The following CTNND2 variants were observed in gnomAD, a reference collection of about 807,000 sequenced individuals.
CTNND2 encodes the protein catenin delta 2, also known as catenin delta-2.
CTNND2 carries 22 observed loss-of-function variants against 144.4 expected under a neutral mutation model. The ratio of observed to expected loss-of-function variants is 0.15; its 90% CI spans 0.11 to 0.22. The LOEUF (loss-of-function observed/expected upper bound fraction) is 0.22, where lower values mean the gene tolerates loss of function less well. CTNND2 is among the 10% of genes least tolerant of loss of function. The pLI is 1.00. For missense variants in CTNND2, 1,353 were observed against 1,618.8 expected, an observed-to-expected ratio of 0.84 and a Z score of 2.82; for synonymous variants, 751 against 695.6, an observed-to-expected ratio of 1.08 and a Z score of -1.25.
chr5:11,178,799 A>G (rs1760723995), intron 11 of CTNND2, among the ~76,000 whole-genome samples: 1 of 152,210 alleles, frequency 6.6e-6, no homozygotes. Context: ...GAATGTAATG[A>G]TGATTATCAA....
intron 20 of CTNND2, among the ~76,000 whole-genome samples, chr5:10,985,593 A>G (rs1180225510): frequency 6.6e-6 from 1 of 152,216 alleles, no homozygotes; most frequent in South Asian, 2.1e-4. Flanking sequence ...TGGTTTTCAT[A>G]TCAGAGGGAA....
Position 11,073,418 on chromosome 5 carries a change from C to A in CTNND2, c.2788+9278G>T, listed in dbSNP as rs114935404. On this transcript the variant is annotated intron_variant, in intron 16 of 21. Coordinates refer to ENST00000304623, the MANE Select transcript of CTNND2 (RefSeq NM_001332.4). ...TCCAAATAAAGTTAGGTCGGCTCTC[C>A]GTCTCTTGCTCTCTCTTTGAGGTCT... Among the ~76,000 whole-genome samples the A allele has an allele frequency of 2.2e-3, 330 of 152,314 alleles. 2 individuals carry two copies. The highest frequency in any genetic ancestry group is 7.7e-3 in the African/African-American group (319 of 41,560).
intron 1 of CTNND2, among the ~76,000 whole-genome samples, chr5:11,826,803 CA>C (rs2126953237): frequency 6.6e-6 from 1 of 151,814 alleles, no homozygotes; most frequent in South Asian, 2.1e-4. Context: ...TATATTCATA[CA>C]ACATTATTCA....
chr5:11,730,671 T>G (rs1422744547), intron 2 of CTNND2, among the ~76,000 whole-genome samples: 1 of 152,256 alleles, frequency 6.6e-6, no homozygotes, highest in Non-Finnish European at 1.5e-5. Flanking sequence ...TACAGCTGCC[T>G]AAATTTTATA....
chr5:10,996,037 G>A (rs1010866603), intron 18 of CTNND2, among the ~76,000 whole-genome samples: 7 of 152,184 alleles, frequency 4.6e-5, no homozygotes, highest in Non-Finnish European at 2.9e-5. Context: ...TGGGTGGGGA[G>A]CGAGCTGACT....
chr5:11,129,020 AAATAAAAAATATAAATATATATT>A, intron 12 of CTNND2, among the ~76,000 whole-genome samples: 1 of 27,010 alleles, frequency 3.7e-5, no homozygotes, highest in African/African-American at 9.9e-5. Flanking sequence ...TATTATATAT[AAATAAAAAATATAAATATATATT>A]ATATATAAAT....
rs1760231977 is a variant in CTNND2 at position 11,397,250 on chromosome 5, C to G, written c.440-47G>C. Reference sequence around the variant, plus strand: ...GCAGTCAGTGACAGTCTCAGTGAAGCAGAAATGACATGTATTATTTATTGA... The same window carrying G: ...GCAGTCAGTGACAGTCTCAGTGAAGGAGAAATGACATGTATTATTTATTGA... On this transcript the variant is annotated intron_variant, in intron 5 of 21. Transcript: ENST00000304623. The G allele has an allele frequency of 2.6e-6, 4 of 1,522,236 alleles. No homozygotes were observed. The East Asian group carries it at 6.8e-5, about 26-fold the overall frequency. 94.3% of individuals were successfully genotyped at this position (1,522,236 alleles called of 1,614,324 possible). A position where few individuals can be genotyped will look rare whatever the true frequency, so the allele number is the denominator to read the frequency against.
chr5:11,322,642 T>C (rs1277380946), intron 9 of CTNND2, among the ~76,000 whole-genome samples: 1 of 152,212 alleles, frequency 6.6e-6, no homozygotes, highest in African/African-American at 2.4e-5. Context: ...AAGCTTTTTT[T>C]CATTTTGACA....
At chr5:11,122,495 T>C (rs1169892991) in intron 12 of CTNND2, among the ~76,000 whole-genome samples, 1 of 151,900 alleles carries the variant, frequency 6.6e-6, no homozygotes, top group Non-Finnish European at 1.5e-5. Flanking sequence ...CTCCTTGGCC[T>C]TCAGGGTCTG....
At chr5:11,376,151 C>T (rs1757910453) in intron 7 of CTNND2, among the ~76,000 whole-genome samples, 1 of 152,068 alleles carries the variant, frequency 6.6e-6, no homozygotes, top group Non-Finnish European at 1.5e-5. Context: ...TTCCAGCCTC[C>T]AGAACTAGGA....
chr5:11,119,291 T>A (rs1020114535), intron 12 of CTNND2, among the ~76,000 whole-genome samples: 1 of 152,234 alleles, frequency 6.6e-6, no homozygotes, highest in Non-Finnish European at 1.5e-5. Context: ...ACAGACGTGT[T>A]AAGATAGGCT....
intron 3 of CTNND2, among the ~76,000 whole-genome samples, chr5:11,520,202 T>C (rs1238579164): frequency 5.9e-5 from 9 of 151,996 alleles, no homozygotes; most frequent in Non-Finnish European, 8.8e-5. Context: ...TATCTCTATC[T>C]TAGGGATCTC....
At chr5:11,745,695 T>G (rs1788270776) in intron 1 of CTNND2, among the ~76,000 whole-genome samples, 2 of 152,186 alleles carry the variant, frequency 1.3e-5, no homozygotes, top group Non-Finnish European at 2.9e-5. Flanking sequence ...AACCTGCCTC[T>G]CATGCCTGCA....
chr5:11,691,853 T>C (rs181714256), intron 2 of CTNND2, among the ~76,000 whole-genome samples: 138 of 152,330 alleles, frequency 9.1e-4, no homozygotes, highest in Middle Eastern at 3.4e-3. Flanking sequence ...ATTGCACCGC[T>C]GCACTTCAGT....
chr5:10,997,227 CAAA>C (rs1355760806), intron 18 of CTNND2, among the ~76,000 whole-genome samples: 3 of 152,038 alleles, frequency 2.0e-5, no homozygotes, highest in Non-Finnish European at 4.4e-5. Flanking sequence ...GCAGTCTTAC[CAAA>C]AACACGTTCA....
At chr5:11,226,097 T>C (rs1740311990) in intron 10 of CTNND2, among the ~76,000 whole-genome samples, 1 of 152,176 alleles carries the variant, frequency 6.6e-6, no homozygotes, top group Non-Finnish European at 1.5e-5. Context: ...CCCTTCTCAA[T>C]CTTGGACTTG....
chr5:11,411,641 C>G lies in CTNND2; in HGVS notation c.334G>C (p.Asp112His). Residue 112 changes from aspartate (D) to histidine (H), a missense_variant, in exon 5 of 22, where the codon GAT (aspartate) becomes CAT (histidine). Asp to His is a moderately conservative substitution (Grantham distance 81). Transcript: ENST00000304623. Reference protein sequence around the residue: ...FQWQSQDGQKDIEDELTTGLE... With the variant: ...FQWQSQDGQKHIEDELTTGLE... ...CCTGTTGTAAGCTCATCTTCGATAT[C>G]TTTTTGACCATCTGAAATGAAATAT... The G allele has an allele frequency of 6.3e-7, 1 of 1,598,862 alleles. No individual in the cohort carries two copies. Among genetic ancestry groups the G allele is most frequent in the Non-Finnish European group, 8.6e-7 (1 of 1,167,748 alleles).
intron 3 of CTNND2, among the ~76,000 whole-genome samples, chr5:11,524,351 G>C (rs987708856): frequency 2.6e-5 from 4 of 152,226 alleles, no homozygotes; most frequent in Non-Finnish European, 4.4e-5. Flanking sequence ...AAATCTGAAA[G>C]TACTTTTGTT....
intron 18 of CTNND2, among the ~76,000 whole-genome samples, chr5:11,007,868 G>A (rs571699844): frequency 2.1e-4 from 32 of 152,344 alleles, no homozygotes; most frequent in African/African-American, 5.3e-4. Flanking sequence ...CTTTCGCACC[G>A]TGTAATGAAA....
Sources: gnomAD v4.1 joint callset for allele counts (sites outside exome capture counted in the v4.1 genomes callset) on GRCh38, gnomAD v4.1.1 for gene constraint, MANE v1.5 for transcripts, NCBI Gene and HGNC (gene_info 2026-07-23, HGNC 2026-07-21) for gene names.